The following SHISA5 variants were observed in gnomAD, a reference collection of about 807,000 sequenced individuals.
The protein encoded by SHISA5 is shisa family member 5, also known as protein shisa-5.
Under a neutral mutation model 27.5 loss-of-function variants are expected in SHISA5, and 21 were observed. That is an observed-to-expected ratio of 0.76 (90% CI 0.54 to 1.10). SHISA5 has a LOEUF of 1.10. Ranked by LOEUF, SHISA5 falls within the 50% of genes least tolerant of loss-of-function variation. SHISA5 has a pLI of 0.00. For synonymous variants in SHISA5, 137 were observed against 142.2 expected, an observed-to-expected ratio of 0.96 and a Z score of 0.26; for missense variants, 314 against 336.3, an observed-to-expected ratio of 0.93 and a Z score of 0.52.
Position 48,485,590 on chromosome 3 carries a change from GATAAT to G in SHISA5, c.234-6338_234-6334del, listed in dbSNP as rs1250066000. 1.0e-4 allele frequency among the ~76,000 whole-genome samples: 14 copies of G among 140,218 alleles called. No homozygotes were observed. In the South Asian group the frequency reaches 1.7e-3, roughly 17 times the overall value. 92.0% of individuals were successfully genotyped at this position (140,218 alleles called of 152,430 possible). ...AATATATATTCTATATTTAATATAA[GATAAT>G]ATAAGAATATGTATTTATATATAAT... On this transcript the variant is annotated intron_variant, in intron 2 of 5. Coordinates refer to ENST00000296444, the MANE Select transcript of SHISA5 (RefSeq NM_016479.6).
Position 48,468,128 on chromosome 3 carries a change from G to A in SHISA5, c.*979C>T. 2 of 994,922 alleles carry A rather than the reference G, an allele frequency of 2.0e-6. No individual in the cohort carries two copies. The highest frequency in any genetic ancestry group is 2.4e-6 in the Non-Finnish European group (2 of 832,680). The allele number at this position is 994,922 out of a possible 1,614,324, so 61.6% of individuals were successfully genotyped here. A position where few individuals can be genotyped will look rare whatever the true frequency, so the allele number is the denominator to read the frequency against. ...GAGTTGTTGCATATTCCATGAGGCT[G>A]GTGTCGGGAAGCAGGGACTCACAGT... is the stretch of plus-strand genomic sequence containing the variant. On this transcript the variant is annotated 3_prime_UTR_variant, in exon 6 of 6. Transcript: ENST00000296444.
chr3:48,481,479 A>G (rs2041012090), intron 2 of SHISA5, among the ~76,000 whole-genome samples: 1 of 151,782 alleles, frequency 6.6e-6, no homozygotes, highest in Non-Finnish European at 1.5e-5. Flanking sequence ...AATAAACTCA[A>G]GATGATTTCT....
In SHISA5 at chr3:48,469,184, C is replaced by T. The variant is rs35750010; in HGVS notation, c.646G>A (p.Gly216Arg). The T allele has an allele frequency of 1.5e-4, 237 of 1,611,972 alleles. No homozygotes were observed. The highest frequency in any genetic ancestry group is 6.8e-4 in the Admixed American group (41 of 59,996). Residue 216 changes from glycine (G) to arginine (R), a missense_variant and splice_region_variant, in exon 6 of 6, where the codon GGA (glycine) becomes AGA (arginine). By Grantham distance (125) the Gly-to-Arg change is moderately radical (BLOSUM62 -2). Coordinates refer to ENST00000296444, the MANE Select transcript of SHISA5 (RefSeq NM_016479.6). This position sits in a 1 kb window ranked among gnomAD's most constrained non-coding sequence, Gnocchi z 4.6. The part of the protein sequence containing the change: ...PPAYHETLAG[G>R]AAAPYPASQP... The stretch of plus-strand genomic sequence containing the variant: ...CTGGCGGGGTAGGGCGCGGCTGCTC[C>T]TCCTGAAAGCAGAGAGGACCCTGGT...
intron 3 of SHISA5, chr3:48,476,791 C>T (rs570472188): frequency 1.8e-4 from 41 of 228,482 alleles, no homozygotes; most frequent in African/African-American, 8.2e-4. Context: ...TGACATGAGG[C>T]GCGGGAGGGG....
intron 2 of SHISA5, among the ~76,000 whole-genome samples, chr3:48,490,973 C>T (rs961811016): frequency 3.3e-5 from 5 of 152,164 alleles, no homozygotes; most frequent in African/African-American, 1.2e-4. Flanking sequence ...TCTGAACATT[C>T]CTTTTCTATC....
At chr3:48,491,645 T>C (rs1024124515) in intron 2 of SHISA5, among the ~76,000 whole-genome samples, 1 of 152,070 alleles carries the variant, frequency 6.6e-6, no homozygotes, top group Non-Finnish European at 1.5e-5. Context: ...TTCGTTTGTT[T>C]GTTTTTGTTT....
At chr3:48,476,034 A>C (rs576871910) in intron 3 of SHISA5, among the ~76,000 whole-genome samples, 167 of 152,262 alleles carry the variant, frequency 1.1e-3, no homozygotes, top group Admixed American at 2.9e-3. Context: ...CTGCTGCCTC[A>C]TGCCTAGGGA....
rs1358700841 is a variant in SHISA5, at chr3:48,469,977, C to T, written c.315-134G>A. The T allele has an allele frequency of 8.3e-7, 1 of 1,205,066 alleles. No individual in the cohort carries two copies. The highest frequency in any genetic ancestry group is 2.6e-5 in the East Asian group (1 of 39,012). The allele number at this position is 1,205,066 out of a possible 1,614,324, so 74.6% of individuals were successfully genotyped here. A position where few individuals can be genotyped will look rare whatever the true frequency, so the allele number is the denominator to read the frequency against. ...TATAGCTACTTCCTTGTCGGGTGGC[C>T]TGCACCTGTTTCAATCTGTTTCCTC... On this transcript the variant is annotated intron_variant, in intron 3 of 5. Coordinates refer to ENST00000296444, the MANE Select transcript of SHISA5 (RefSeq NM_016479.6). This position sits in a 1 kb window ranked among gnomAD's most constrained non-coding sequence, Gnocchi z 4.6.
chr3:48,481,884 A>G (rs996601211), intron 2 of SHISA5, among the ~76,000 whole-genome samples: 10 of 151,776 alleles, frequency 6.6e-5, no homozygotes, highest in East Asian at 5.8e-4. Flanking sequence ...TGGCTAACAC[A>G]GTGAAACCCT....
At chr3:48,497,208 CT>C in intron 2 of SHISA5, among the ~76,000 whole-genome samples, 1 of 150,382 alleles carries the variant, frequency 6.6e-6, no homozygotes, top group South Asian at 2.1e-4. Flanking sequence ...CTCCAGTCTG[CT>C]GTCTGTCTTG....
At chr3:48,500,755 CA>C (rs2041729369) in intron 2 of SHISA5, among the ~76,000 whole-genome samples, 1 of 152,172 alleles carries the variant, frequency 6.6e-6, no homozygotes, top group Non-Finnish European at 1.5e-5. Flanking sequence ...GGGTTCTGAA[CA>C]AAGGATACCC....
chr3:48,482,581 T>C (rs761466554), intron 2 of SHISA5, among the ~76,000 whole-genome samples: 35 of 152,238 alleles, frequency 2.3e-4, no homozygotes, highest in Non-Finnish European at 4.0e-4. Context: ...GCCCTTATAT[T>C]GGAAGGGAAA....
chr3:48,469,970 G>A lies in SHISA5; in HGVS notation c.315-127C>T, dbSNP rs546443845. On this transcript the variant is annotated intron_variant, in intron 3 of 5. Transcript: ENST00000296444. This position sits in a 1 kb window ranked among gnomAD's most constrained non-coding sequence, Gnocchi z 4.6. ...ATACAGTTATAGCTACTTCCTTGTC[G>A]GGTGGCCTGCACCTGTTTCAATCTG... is the stretch of plus-strand genomic sequence containing the variant. 94 of 1,270,904 alleles carry A rather than the reference G, an allele frequency of 7.4e-5. No homozygotes were observed. In the African/African-American group the frequency reaches 8.7e-4, roughly 12 times the overall value. 78.7% of individuals were successfully genotyped at this position (1,270,904 alleles called of 1,614,324 possible).
Position 48,501,296 on chromosome 3 carries a change from G to A in SHISA5, c.77-3C>T, listed in dbSNP as rs1560136409. 15 of 1,613,306 alleles carry A rather than the reference G, an allele frequency of 9.3e-6. No individual in the cohort carries two copies. The highest frequency in any genetic ancestry group is 1.3e-5 in the Non-Finnish European group (15 of 1,179,532). ...AGCCATACACACCTCACCACGTGCT[G>A]GAGAGGAGAAACACATCTGTTCACC... On this transcript the variant is annotated splice_region_variant and splice_polypyrimidine_tract_variant and intron_variant, in intron 1 of 5. Coordinates refer to ENST00000296444, the MANE Select transcript of SHISA5 (RefSeq NM_016479.6).
In SHISA5 at chr3:48,469,805, A is replaced by G. The variant is rs1480389301; in HGVS notation, c.353T>C (p.Val118Ala). 12 of 1,613,998 alleles carry G rather than the reference A, an allele frequency of 7.4e-6. No individual in the cohort carries two copies. Among genetic ancestry groups the G allele is most frequent in the African/African-American group, 1.3e-5 (1 of 74,918 alleles). ...ATLAVGLTIFVLSVVTIIICF... is the reference protein window; with the variant it reads ...ATLAVGLTIFALSVVTIIICF... ...GATGATGATAGTGACGACAGACAGC[A>G]CAAAGATGGTCAGGCCAACGGCCAA... Residue 118 changes from valine (V) to alanine (A), a missense_variant, in exon 4 of 6, where the codon GTG (valine) becomes GCG (alanine). By Grantham distance (64) the Val-to-Ala change is moderately conservative. Coordinates refer to ENST00000296444, the MANE Select transcript of SHISA5 (RefSeq NM_016479.6). This position sits in a 1 kb window ranked among gnomAD's most constrained non-coding sequence, Gnocchi z 4.6.
At chr3:48,501,896 T>C (rs931399238) in intron 1 of SHISA5, among the ~76,000 whole-genome samples, 1 of 149,294 alleles carries the variant, frequency 6.7e-6, no homozygotes, top group African/African-American at 2.5e-5. Flanking sequence ...AGTCTCACTC[T>C]GTTGCCCAGG....
Position 48,468,839 on chromosome 3 carries a change from G to A in SHISA5, c.*268C>T. 2 of 1,498,914 alleles carry A rather than the reference G, an allele frequency of 1.3e-6. No individual in the cohort carries two copies. Among genetic ancestry groups the A allele is most frequent in the Non-Finnish European group, 1.8e-6 (2 of 1,123,244 alleles). 92.9% of individuals were successfully genotyped at this position (1,498,914 alleles called of 1,614,324 possible). On this transcript the variant is annotated 3_prime_UTR_variant, in exon 6 of 6. Transcript: ENST00000296444. ...GGTGCCCCCCACCACCCCATTCTTT[G>A]AGTTTGGCTTGAGATTTTAGGAAGC...
Position 48,504,000 on chromosome 3 carries a change from G to GCC in SHISA5, c.76+17_76+18dup, listed in dbSNP as rs757817286. On this transcript the variant is annotated intron_variant, in intron 1 of 5. Coordinates refer to ENST00000296444, the MANE Select transcript of SHISA5 (RefSeq NM_016479.6). ...GCCCGGTCCCAGGGCAGGACGGGCC[G>GCC]CCCCCACCCCCGGCTCACCACCCGG... is the stretch of plus-strand genomic sequence containing the variant. 2.1e-6 allele frequency: 3 copies of GCC among 1,459,210 alleles called. No individual in the cohort carries two copies. The Admixed American group carries it at 7.3e-5, about 36-fold the overall frequency. 90.4% of individuals were successfully genotyped at this position (1,459,210 alleles called of 1,614,324 possible).
At position 48,473,128 on chromosome 3, in the gene SHISA5, T is replaced by G. The variant is rs1575305789; in HGVS notation, c.315-3285A>C. The G allele has an allele frequency of 6.8e-7, 1 of 1,468,184 alleles. No individual in the cohort carries two copies. Among genetic ancestry groups the G allele is most frequent in the African/African-American group, 1.4e-5 (1 of 70,622 alleles). 90.9% of individuals were successfully genotyped at this position (1,468,184 alleles called of 1,614,324 possible). Reference sequence around the variant, plus strand: ...CTTTTGGAGAAAAAGAAAGCAAATCTCCTCCAGATGACGTCAGCCACAGGA... The same window carrying G: ...CTTTTGGAGAAAAAGAAAGCAAATCGCCTCCAGATGACGTCAGCCACAGGA... On this transcript the variant is annotated intron_variant, in intron 3 of 5. Transcript: ENST00000296444. The surrounding 1 kb of genome is among the most constrained non-coding windows in gnomAD (Gnocchi z 4.3).
Sources: gnomAD v4.1 joint callset for allele counts (sites outside exome capture counted in the v4.1 genomes callset) on GRCh38, gnomAD v4.1.1 for gene constraint, Gnocchi (gnomAD v3.1) non-coding constraint, MANE v1.5 for transcripts, NCBI Gene and HGNC (gene_info 2026-07-23, HGNC 2026-07-21) for gene names.